The following MEIS2 variants were observed in gnomAD, a reference collection of about 807,000 sequenced individuals.
MEIS2 encodes Meis homeobox 2.
MEIS2 carries 9 observed loss-of-function variants against 58.6 expected under a neutral mutation model. That is an observed-to-expected ratio of 0.15 (90% CI 0.09 to 0.27). The LOEUF (loss-of-function observed/expected upper bound fraction) is 0.27. MEIS2 is among the 10% of genes least tolerant of loss of function. MEIS2 has a pLI of 1.00. For synonymous variants in MEIS2, 221 were observed against 228.4 expected (o/e 0.97, Z 0.29); for missense variants, 427 against 635.0 (o/e 0.67, Z 3.52).
chr15:37,072,382 G>A (rs542526576), intron 7 of MEIS2, among the ~76,000 whole-genome samples: 12 of 152,128 alleles, frequency 7.9e-5, no homozygotes, highest in Non-Finnish European at 1.6e-4. Context: ...ATGCATCTGA[G>A]GAGCTACTTA....
intron 8 of MEIS2, among the ~76,000 whole-genome samples, chr15:37,023,131 A>G (rs2061581770): frequency 6.6e-6 from 1 of 152,196 alleles, no homozygotes; most frequent in African/African-American, 2.4e-5. Flanking sequence ...AATTTAATCT[A>G]TCACAGTTTT....
At chr15:37,015,914 C>T (rs140804857) in intron 8 of MEIS2, among the ~76,000 whole-genome samples, 37 of 152,028 alleles carry the variant, frequency 2.4e-4, no homozygotes, top group African/African-American at 5.1e-4. Context: ...CTTTCTATAA[C>T]GAAAGAAAAC....
At chr15:37,068,183 T>G (rs1890213468) in intron 7 of MEIS2, among the ~76,000 whole-genome samples, 1 of 152,158 alleles carries the variant, frequency 6.6e-6, no homozygotes, top group Non-Finnish European at 1.5e-5. Context: ...AGGTCTAACT[T>G]CAAATTTCAT....
intron 6 of MEIS2, among the ~76,000 whole-genome samples, chr15:37,087,011 G>A (rs1003515583): frequency 4.6e-5 from 7 of 152,116 alleles, no homozygotes; most frequent in African/African-American, 1.7e-4. Flanking sequence ...CAAGAAAAAT[G>A]GCATGGCTTT....
At chr15:36,992,217 A>G (rs898391589) in intron 8 of MEIS2, among the ~76,000 whole-genome samples, 1 of 152,100 alleles carries the variant, frequency 6.6e-6, no homozygotes, top group Non-Finnish European at 1.5e-5. Flanking sequence ...TAAATATACT[A>G]TAATCAACTA....
chr15:37,098,828 A>G lies in MEIS2; in HGVS notation c.12+627T>C, dbSNP rs368290733. Reference sequence around the variant, plus strand: ...AATCAGCACGAGAACGCCGAGGACTAGGAAAGACTAGGGCCAGTGCCTCCC... The same window carrying G: ...AATCAGCACGAGAACGCCGAGGACTGGGAAAGACTAGGGCCAGTGCCTCCC... On this transcript the variant is annotated intron_variant, in intron 1 of 11. Coordinates refer to ENST00000561208, the MANE Select transcript of MEIS2 (RefSeq NM_170675.5). 1.7e-5 allele frequency: 13 copies of G among 767,054 alleles called. No individual in the cohort carries two copies. In the East Asian group the frequency reaches 3.9e-4, roughly 23 times the overall value. 47.5% of individuals were successfully genotyped at this position (767,054 alleles called of 1,614,324 possible).
chr15:36,916,619 G>C (rs1000008897), intron 9 of MEIS2, among the ~76,000 whole-genome samples: 9 of 151,970 alleles, frequency 5.9e-5, no homozygotes, highest in African/African-American at 1.9e-4. Flanking sequence ...TTTTTGTAGA[G>C]ATGGTAGCTT....
intron 8 of MEIS2, among the ~76,000 whole-genome samples, chr15:37,027,850 C>T (rs547753009): frequency 6.6e-6 from 1 of 151,910 alleles, no homozygotes; most frequent in Non-Finnish European, 1.5e-5. Flanking sequence ...CCCATAAATC[C>T]CTGGCCCCAC....
intron 9 of MEIS2, among the ~76,000 whole-genome samples, chr15:36,913,239 T>G (rs1207429841): frequency 1.3e-5 from 2 of 152,246 alleles, no homozygotes; most frequent in Admixed American, 1.3e-4. Context: ...GTTAGCTATG[T>G]GATGTTTTCA....
At chr15:37,053,838 T>C (rs1344300605) in intron 7 of MEIS2, among the ~76,000 whole-genome samples, 1 of 152,234 alleles carries the variant, frequency 6.6e-6, no homozygotes, top group Non-Finnish European at 1.5e-5. Flanking sequence ...ACTATTGGAT[T>C]AGTTATTGTG....
Position 36,990,008 on chromosome 15 carries a change from A to G in MEIS2, c.901-39608T>C, listed in dbSNP as rs138248110. 4.2e-4 allele frequency among the ~76,000 whole-genome samples: 64 copies of G among 152,210 alleles called. 1 individual carries two copies. The East Asian group carries it at 0.011, about 26-fold the overall frequency. ...CGCCCAGGCTGGAGTGCAGTGGCAC[A>G]ATCTCGGCTAACTGCAAGCTCCGCC... On this transcript the variant is annotated intron_variant, in intron 8 of 11. Coordinates refer to ENST00000561208, the MANE Select transcript of MEIS2 (RefSeq NM_170675.5).
intron 8 of MEIS2, among the ~76,000 whole-genome samples, chr15:37,034,824 A>T (rs1237535155): frequency 6.6e-6 from 1 of 152,190 alleles, no homozygotes; most frequent in Non-Finnish European, 1.5e-5. Flanking sequence ...GGTGATCGTC[A>T]TTTTGGCAAA....
intron 9 of MEIS2, among the ~76,000 whole-genome samples, chr15:36,928,587 A>T (rs1050828945): frequency 6.6e-6 from 1 of 152,218 alleles, no homozygotes; most frequent in Non-Finnish European, 1.5e-5. Flanking sequence ...CTGTGTGTGT[A>T]TGCAAACTAT....
At chr15:37,078,740 A>C (rs551172212) in intron 7 of MEIS2, among the ~76,000 whole-genome samples, 35 of 152,082 alleles carry the variant, frequency 2.3e-4, no homozygotes, top group Admixed American at 1.8e-3. Context: ...AAAGCTATGA[A>C]ACAGCAGGGA....
chr15:36,914,206 T>G (rs2057168560), intron 9 of MEIS2, among the ~76,000 whole-genome samples: 1 of 152,126 alleles, frequency 6.6e-6, no homozygotes, highest in Non-Finnish European at 1.5e-5. Context: ...GGTTATGAAC[T>G]GGACAAAGGA....
intron 7 of MEIS2, among the ~76,000 whole-genome samples, chr15:37,058,974 G>A (rs1888822179): frequency 6.6e-6 from 1 of 152,160 alleles, no homozygotes; most frequent in African/African-American, 2.4e-5. Flanking sequence ...AGACTGTTCT[G>A]TAAGAATCAT....
chr15:37,099,676 CT>C lies in MEIS2; in HGVS notation c.-211del, dbSNP rs1254830212. 1 of 571,022 alleles carries C rather than the reference CT, an allele frequency of 1.8e-6. No individual in the cohort carries two copies. Among genetic ancestry groups the C allele is most frequent in the South Asian group, 2.8e-5 (1 of 36,270 alleles). The allele number at this position is 571,022 out of a possible 1,614,324, so 35.4% of individuals were successfully genotyped here. Reference sequence around the variant, plus strand: ...TTTCTGTGATATTTCTTCTTTTTCTCTTTTTTCCTCTTCTTCCTCCTCCTCC... The same window carrying C: ...TTTCTGTGATATTTCTTCTTTTTCTCTTTTTCCTCTTCTTCCTCCTCCTCC... On this transcript the variant is annotated 5_prime_UTR_variant, in exon 1 of 12. Coordinates refer to ENST00000561208, the MANE Select transcript of MEIS2 (RefSeq NM_170675.5).
At position 36,889,744 on chromosome 15, in the gene MEIS2, T is replaced by A. The variant is rs2055787684; in HGVS notation, c.*2429A>T. ...TTTTCCCACCTGATGTGAGAGTTGATTTATAATGGGGAATTTTCATAGTTT... is the reference window on the plus strand; with the variant it reads ...TTTTCCCACCTGATGTGAGAGTTGAATTATAATGGGGAATTTTCATAGTTT... On this transcript the variant is annotated 3_prime_UTR_variant, in exon 12 of 12. Coordinates refer to ENST00000561208, the MANE Select transcript of MEIS2 (RefSeq NM_170675.5). 6.6e-6 allele frequency: 1 copy of A among 152,176 alleles called. No homozygotes were observed. The highest frequency in any genetic ancestry group is 2.4e-5 in the African/African-American group (1 of 41,440). The allele number at this position is 152,176 out of a possible 1,614,324, so 9.4% of individuals were successfully genotyped here.
intron 6 of MEIS2, 37 bp from the exon 7 acceptor site, chr15:37,083,922 C>T (rs1955394450): frequency 6.4e-7 from 1 of 1,570,072 alleles, no homozygotes; most frequent in African/African-American, 1.4e-5. Context: ...TCCACAGTTA[C>T]CATTTCAGCC....
Sources: gnomAD v4.1 joint callset for allele counts (sites outside exome capture counted in the v4.1 genomes callset) on GRCh38, gnomAD v4.1.1 for gene constraint, MANE v1.5 for transcripts, NCBI Gene and HGNC (gene_info 2026-07-23, HGNC 2026-07-21) for gene names.